Variants in IL1R1 observed in about 807,000 individuals in gnomAD.
IL1R1 encodes the protein interleukin-1 receptor type 1.
Under a neutral mutation model 50.2 loss-of-function variants are expected in IL1R1, and 22 were observed. That is an observed-to-expected ratio of 0.44 (90% CI 0.31 to 0.63). The LOEUF is 0.63. Ranked by LOEUF, IL1R1 falls within the 20% of genes least tolerant of loss-of-function variation. IL1R1 has a pLI of 0.07. For missense variants in IL1R1, 509 were observed against 676.2 expected, an observed-to-expected ratio of 0.75 and a Z score of 2.74; for synonymous variants, 251 against 236.7, an observed-to-expected ratio of 1.06 and a Z score of -0.55.
chr2:102,113,111 T>C (rs747576061), intron 1 of IL1R1, among the ~76,000 whole-genome samples: 1 of 152,256 alleles, frequency 6.6e-6, no homozygotes, highest in Non-Finnish European at 1.5e-5. Flanking sequence ...TCTATGATAA[T>C]TTGTTACAGC....
In IL1R1 at chr2:102,175,505, A is replaced by T; in HGVS notation, c.1163A>T (p.Tyr388Phe). ...KASDGKTYDA[Y>F]ILYPKTVGEG... ...TCAGATGGAAAGACCTATGACGCAT[A>T]TATACTGTATCCAAAGACTGTTGGG... is the stretch of plus-strand genomic sequence containing the variant. Residue 388 changes from tyrosine (Y) to phenylalanine (F), a missense_variant, in exon 11 of 12, where the codon TAT (tyrosine) becomes TTT (phenylalanine). By Grantham distance (22) the Tyr-to-Phe change is conservative (BLOSUM62 3). Coordinates refer to ENST00000410023, the MANE Select transcript of IL1R1 (RefSeq NM_000877.4). The T allele has an allele frequency of 6.2e-7, 1 of 1,613,740 alleles. No homozygotes were observed. Among genetic ancestry groups the T allele is most frequent in the South Asian group, 1.1e-5 (1 of 91,078 alleles).
In IL1R1 at chr2:102,092,620, G is replaced by C. The variant is rs150663297; in HGVS notation, c.-84+22087G>C. On this transcript the variant is annotated intron_variant, in intron 1 of 11. Coordinates refer to the IL1R1 transcript ENST00000409929. ...AATAACACTCGGGCCTGTTCTAAAC[G>C]TAACATTGAAAATTTTGCACGCCTC... Among the ~76,000 whole-genome samples, 316 of 152,094 alleles carry C rather than the reference G, an allele frequency of 2.1e-3. 1 individual carries two copies. Among genetic ancestry groups the C allele is most frequent in the Non-Finnish European group, 2.5e-3 (169 of 67,986 alleles).
chr2:102,158,794 C>A (rs1004344438), intron 3 of IL1R1, among the ~76,000 whole-genome samples: 1 of 152,052 alleles, frequency 6.6e-6, no homozygotes, highest in Non-Finnish European at 1.5e-5. Flanking sequence ...ATCTGACTTA[C>A]GTTTTGATTC....
intron 1 of IL1R1, among the ~76,000 whole-genome samples, chr2:102,117,517 G>A (rs1223171156): frequency 1.3e-5 from 2 of 152,170 alleles, no homozygotes; most frequent in African/African-American, 4.8e-5. Flanking sequence ...TCCTTAAATA[G>A]CTGCCAACAT....
rs1341558835 is a variant in IL1R1 at position 102,171,978 on chromosome 2, A to G, written c.839+60A>G. Reference sequence around the variant, plus strand: ...TAAATCCCACGTGATATTTTATATAACCTTGTCGGTTCAGTTTAAAAGCAA... The same window carrying G: ...TAAATCCCACGTGATATTTTATATAGCCTTGTCGGTTCAGTTTAAAAGCAA... On this transcript the variant is annotated intron_variant, in intron 8 of 11. Coordinates refer to ENST00000410023, the MANE Select transcript of IL1R1 (RefSeq NM_000877.4). 1.6e-5 allele frequency: 13 copies of G among 835,960 alleles called. No individual in the cohort carries two copies. The Admixed American group carries it at 3.1e-4, about 20-fold the overall frequency. The allele number at this position is 835,960 out of a possible 1,614,324, so 51.8% of individuals were successfully genotyped here.
At chr2:102,167,806 A>G (rs946504831) in intron 6 of IL1R1, among the ~76,000 whole-genome samples, 4 of 152,112 alleles carry the variant, frequency 2.6e-5, no homozygotes, top group East Asian at 1.9e-4. Flanking sequence ...TGTAGAAACA[A>G]TATACTCTAC....
intron 1 of IL1R1, among the ~76,000 whole-genome samples, chr2:102,080,970 A>G (rs914015655): frequency 1.3e-5 from 2 of 152,204 alleles, no homozygotes; most frequent in Non-Finnish European, 2.9e-5. Flanking sequence ...AAGCCCACAC[A>G]TTGTATAATT....
At chr2:102,103,030 A>G (rs1003875693), upstream of IL1R1, among the ~76,000 whole-genome samples, 6 of 152,126 alleles carry the variant, frequency 3.9e-5, no homozygotes, top group African/African-American at 1.4e-4. Flanking sequence ...GAGGATTGAA[A>G]CTACCTATAG....
chr2:102,072,475 T>C (rs980164084), intron 1 of IL1R1, among the ~76,000 whole-genome samples: 1 of 152,230 alleles, frequency 6.6e-6, no homozygotes, highest in Non-Finnish European at 1.5e-5. Flanking sequence ...ACTGGAATAT[T>C]AGAAATCGTT....
chr2:102,112,690 G>T (rs1408130140), intron 1 of IL1R1, among the ~76,000 whole-genome samples: 2 of 152,178 alleles, frequency 1.3e-5, no homozygotes, highest in Non-Finnish European at 2.9e-5. Flanking sequence ...CATAAAACTT[G>T]AAATGTGTCT....
At chr2:102,079,040 C>T (rs545165102) in intron 1 of IL1R1, among the ~76,000 whole-genome samples, 3 of 152,156 alleles carry the variant, frequency 2.0e-5, no homozygotes, top group Admixed American at 6.5e-5. Context: ...ATCTGACACC[C>T]TTTCAAGATT....
At chr2:102,141,849 GGGGAAAGCCCGAGGGAGCTGCA>G (rs1472599061), upstream of IL1R1, 5 of 152,224 alleles carry the variant, frequency 3.3e-5, no homozygotes, top group African/African-American at 1.2e-4. Flanking sequence ...CGAAGTGGAG[GGGGAAAGCCCGAGGGAGCTGCA>G]GACTCGACCA....
chr2:102,152,342 A>G (rs1683745154), intron 1 of IL1R1, among the ~76,000 whole-genome samples: 1 of 151,206 alleles, frequency 6.6e-6, no homozygotes, highest in Admixed American at 6.6e-5. Context: ...CGTCTCTACT[A>G]AAAATACAAA....
chr2:102,108,485 T>C (rs565735644), intron 1 of IL1R1, among the ~76,000 whole-genome samples: 2 of 152,158 alleles, frequency 1.3e-5, no homozygotes, highest in African/African-American at 2.4e-5. Context: ...TCCGGTTTCA[T>C]GTGTATACCT....
intron 1 of IL1R1, among the ~76,000 whole-genome samples, chr2:102,121,388 G>A (rs745427712): frequency 1.3e-5 from 2 of 152,178 alleles, no homozygotes; most frequent in Non-Finnish European, 1.5e-5. Flanking sequence ...GTGGAGCCAC[G>A]TGTCACTGAG....
chr2:102,154,837 T>C (rs1684022602), intron 2 of IL1R1, among the ~76,000 whole-genome samples: 1 of 152,250 alleles, frequency 6.6e-6, no homozygotes, highest in African/African-American at 2.4e-5. Flanking sequence ...TGGGAACTTA[T>C]GGCTTCTCAG....
chr2:102,126,216 A>T (rs1681701358), intron 1 of IL1R1, among the ~76,000 whole-genome samples: 1 of 152,270 alleles, frequency 6.6e-6, no homozygotes, highest in South Asian at 2.1e-4. Context: ...AGTTTCATAC[A>T]TACATGTGTA....
At chr2:102,147,180 C>T (rs1481563054) in intron 1 of IL1R1, among the ~76,000 whole-genome samples, 1 of 152,118 alleles carries the variant, frequency 6.6e-6, no homozygotes, top group Non-Finnish European at 1.5e-5. Flanking sequence ...CTGAAGTATT[C>T]CTGGTGCACA....
At chr2:102,091,121 G>T (rs564482790) in intron 1 of IL1R1, among the ~76,000 whole-genome samples, 1 of 152,182 alleles carries the variant, frequency 6.6e-6, no homozygotes, top group African/African-American at 2.4e-5. Flanking sequence ...GGGAGAACCA[G>T]ATATACCCTC....
Sources: gnomAD v4.1 joint callset for allele counts (sites outside exome capture counted in the v4.1 genomes callset) on GRCh38, gnomAD v4.1.1 for gene constraint, MANE v1.5 for transcripts, NCBI Gene and HGNC (gene_info 2026-07-23, HGNC 2026-07-21) for gene names.